The following ZNF487 variants were observed in gnomAD, a reference collection of about 807,000 sequenced individuals.
ZNF487 encodes the protein zinc finger protein 487, also known as KRAB domain only 1.
ZNF487 carries 4 observed loss-of-function variants against 3.0 expected under a neutral mutation model. That is an observed-to-expected ratio of 1.35 (90% confidence interval 0.66 to 3.08). The LOEUF (loss-of-function observed/expected upper bound fraction) is 3.08. Ranked by LOEUF, ZNF487 falls within the 30% of genes most tolerant of loss-of-function variation. ZNF487 has a pLI of 0.01. For missense variants in ZNF487, 146 were observed against 98.7 expected (o/e 1.48, Z -2.03); for synonymous variants, 55 against 34.6 (o/e 1.59, Z -2.06).
At chr10:43,495,620 C>T in the ZNF487 span, among the ~76,000 whole-genome samples, 1 of 152,108 alleles carries the variant, frequency 6.6e-6, no homozygotes, top group East Asian at 1.9e-4. Context: ...AACACTTTCC[C>T]GGGTGTGGCC....
chr10:43,507,860 G>C, the ZNF487 span, among the ~76,000 whole-genome samples: 5 of 152,230 alleles, frequency 3.3e-5, no homozygotes, highest in African/African-American at 1.2e-4. Flanking sequence ...ATGGTGATGG[G>C]ACAGTGACTG....
At chr10:43,495,015 C>T in the ZNF487 span, among the ~76,000 whole-genome samples, 1 of 151,002 alleles carries the variant, frequency 6.6e-6, no homozygotes, top group Non-Finnish European at 1.5e-5. Flanking sequence ...AAAAAAGAAA[C>T]TTTATAGTAC....
chr10:43,460,768 C>CTGCAACCTT (rs1323627762), intron 1 of ZNF487, among the ~76,000 whole-genome samples: 18 of 150,980 alleles, frequency 1.2e-4, no homozygotes, highest in African/African-American at 4.1e-4. Context: ...TCTCAGCTTA[C>CTGCAACCTT]TGCAACCTTT....
downstream of ZNF487, among the ~76,000 whole-genome samples, chr10:43,484,703 A>T (rs901211365): frequency 3.9e-5 from 6 of 152,170 alleles, no homozygotes; most frequent in East Asian, 1.9e-4. Flanking sequence ...ACAAATATTT[A>T]AAAAAATCTT....
chr10:43,467,344 A>G (rs146316977), intron 1 of ZNF487, among the ~76,000 whole-genome samples: 49 of 151,758 alleles, frequency 3.2e-4, no homozygotes, highest in African/African-American at 1.2e-3. Context: ...AGCTGGGACT[A>G]CAGGTGCACG....
chr10:43,502,301 A>G, the ZNF487 span, among the ~76,000 whole-genome samples: 1 of 152,142 alleles, frequency 6.6e-6, no homozygotes, highest in Non-Finnish European at 1.5e-5. Flanking sequence ...CAAACACCGC[A>G]TATTCTCACT....
At chr10:43,487,486 G>A (rs559138809), downstream of ZNF487, among the ~76,000 whole-genome samples, 3 of 126,748 alleles carry the variant, frequency 2.4e-5, no homozygotes, top group South Asian at 5.0e-4. Context: ...TTTTGCTCTT[G>A]TTGCCCAGGC....
the ZNF487 span, among the ~76,000 whole-genome samples, chr10:43,498,099 ATTTTTTTTTTTTTTCTTTTTT>A: frequency 2.2e-3 from 45 of 20,148 alleles, no homozygotes; most frequent in South Asian, 3.4e-3. Context: ...ATATATATAT[ATTTTTTTTTTTTTTCTTTTTT>A]TTTTTTTTTT....
At chr10:43,480,081 CTTCT>C (rs1442439942) in intron 3 of ZNF487, among the ~76,000 whole-genome samples, 3 of 124,652 alleles carry the variant, frequency 2.4e-5, no homozygotes, top group African/African-American at 9.7e-5. Flanking sequence ...TCCTTCCTTC[CTTCT>C]TTCTTTTCTT....
At chr10:43,521,801 T>A in the ZNF487 span, among the ~76,000 whole-genome samples, 2 of 151,984 alleles carry the variant, frequency 1.3e-5, no homozygotes, top group Non-Finnish European at 2.9e-5. Context: ...AAACCAGACA[T>A]GCTGAAATAA....
intron 1 of ZNF487, among the ~76,000 whole-genome samples, chr10:43,463,024 C>T (rs370315465): frequency 2.0e-5 from 3 of 151,846 alleles, no homozygotes; most frequent in Non-Finnish European, 4.4e-5. Context: ...CAACTGAGGT[C>T]GGGAGTTTGA....
At chr10:43,462,516 C>T (rs1014645634) in intron 1 of ZNF487, among the ~76,000 whole-genome samples, 3 of 140,932 alleles carry the variant, frequency 2.1e-5, no homozygotes, top group African/African-American at 5.2e-5. Context: ...AGTGCAGTGG[C>T]GTGATCTCAG....
chr10:43,471,428 T>C (rs910163052), intron 1 of ZNF487, among the ~76,000 whole-genome samples: 2 of 152,172 alleles, frequency 1.3e-5, no homozygotes, highest in African/African-American at 4.8e-5. Flanking sequence ...TGCAGCTCAG[T>C]TGGCCCCTTG....
chr10:43,510,636 C>T, the ZNF487 span, among the ~76,000 whole-genome samples: 2 of 152,278 alleles, frequency 1.3e-5, no homozygotes, highest in East Asian at 3.9e-4. Flanking sequence ...CAACCTCTGC[C>T]TCCCGGGTTC....
intron 1 of ZNF487, among the ~76,000 whole-genome samples, chr10:43,466,164 A>G (rs1195456081): frequency 1.2e-4 from 2 of 16,544 alleles, no homozygotes; most frequent in African/African-American, 4.8e-4. Flanking sequence ...GCTCGGCATC[A>G]GAGGGAGACC....
intron 1 of ZNF487, among the ~76,000 whole-genome samples, chr10:43,474,555 C>T (rs552838991): frequency 2.0e-5 from 3 of 152,170 alleles, no homozygotes; most frequent in Admixed American, 2.0e-4. Context: ...GGCAAAACAG[C>T]AAGACCTGGC....
chr10:43,495,924 A>G, the ZNF487 span: 5 of 450,802 alleles, frequency 1.1e-5, no homozygotes, highest in Admixed American at 1.2e-4. Context: ...TTCTTTGAGT[A>G]TCAATAGTGA....
intron 1 of ZNF487, among the ~76,000 whole-genome samples, chr10:43,458,778 A>G (rs1840312948): frequency 6.6e-6 from 1 of 151,694 alleles, no homozygotes; most frequent in African/African-American, 2.4e-5. Context: ...CAGTCAGTAC[A>G]TTTCTAGGGA....
chr10:43,485,162 C>A (rs890468902), downstream of ZNF487, among the ~76,000 whole-genome samples: 17 of 152,144 alleles, frequency 1.1e-4, no homozygotes, highest in Non-Finnish European at 1.6e-4. Flanking sequence ...AGAAAATGAA[C>A]AGATCCCAGG....
Sources: gnomAD v4.1 joint callset for allele counts (sites outside exome capture counted in the v4.1 genomes callset) on GRCh38, gnomAD v4.1.1 for gene constraint, MANE v1.5 for transcripts, NCBI Gene and HGNC (gene_info 2026-07-23, HGNC 2026-07-21) for gene names.